The following CSMD3 variants were observed in gnomAD, a reference collection of about 807,000 sequenced individuals.
CSMD3 encodes the protein CUB and sushi domain-containing protein 3.
In CSMD3, 177 loss-of-function variants were observed where a neutral mutation model predicts 435.2. The observed-to-expected ratio is 0.41, with a 90% CI of 0.36 to 0.46. The LOEUF is 0.46. Among genes scored for constraint, CSMD3 ranks in the 20% least tolerant of loss-of-function variants. CSMD3 has a pLI of 0.34. For synonymous variants in CSMD3, 1,656 were observed against 1,520.5 expected (o/e 1.09, Z -2.07); for missense variants, 4,265 against 4,504.6 (o/e 0.95, Z 1.52).
At chr8:112,376,884 T>C (rs571093887) in intron 38 of CSMD3, among the ~76,000 whole-genome samples, 17 of 152,292 alleles carry the variant, frequency 1.1e-4, no homozygotes, top group Admixed American at 2.6e-4. Flanking sequence ...TGAAAGATTT[T>C]TGTCTTCTGG....
chr8:112,395,671 T>C (rs993255474), intron 35 of CSMD3, among the ~76,000 whole-genome samples: 1 of 152,098 alleles, frequency 6.6e-6, no homozygotes, highest in East Asian at 1.9e-4. Context: ...GACCTCCCAC[T>C]AACAGAAGTA....
chr8:112,957,322 T>C (rs1016170793), intron 7 of CSMD3, among the ~76,000 whole-genome samples: 1 of 152,228 alleles, frequency 6.6e-6, no homozygotes, highest in Non-Finnish European at 1.5e-5. Flanking sequence ...GTAGAGTTAA[T>C]GTTAAAATAA....
intron 4 of CSMD3, among the ~76,000 whole-genome samples, chr8:113,127,048 A>G (rs1421832354): frequency 6.6e-6 from 1 of 152,000 alleles, no homozygotes; most frequent in Non-Finnish European, 1.5e-5. Context: ...AGGTGTTTAC[A>G]TAGCACCACA....
chr8:112,817,789 C>A (rs964549471), intron 12 of CSMD3, among the ~76,000 whole-genome samples: 1 of 151,906 alleles, frequency 6.6e-6, no homozygotes, highest in Non-Finnish European at 1.5e-5. Flanking sequence ...AAATTTTCAT[C>A]ATTTTAGAAA....
chr8:113,366,533 A>C (rs530657016), intron 1 of CSMD3, among the ~76,000 whole-genome samples: 3 of 152,216 alleles, frequency 2.0e-5, no homozygotes, highest in East Asian at 3.9e-4. Context: ...ATGGCCCTCC[A>C]TCTTCCAACA....
chr8:113,203,698 G>C (rs2092738678), intron 3 of CSMD3, among the ~76,000 whole-genome samples: 1 of 152,100 alleles, frequency 6.6e-6, no homozygotes, highest in Middle Eastern at 3.4e-3. Context: ...GCTCCATCAA[G>C]ACAAAATCTT....
intron 6 of CSMD3, among the ~76,000 whole-genome samples, chr8:112,998,844 C>T (rs1396353900): frequency 2.6e-5 from 4 of 151,826 alleles, no homozygotes; most frequent in Admixed American, 1.3e-4. Flanking sequence ...ATAGCACCTC[C>T]CCACTCTCTT....
At chr8:113,213,521 T>A (rs867260061) in intron 3 of CSMD3, among the ~76,000 whole-genome samples, 8 of 151,988 alleles carry the variant, frequency 5.3e-5, no homozygotes, top group African/African-American at 1.7e-4. Context: ...GTTTTTTTTT[T>A]AGTCCAAATT....
At chr8:113,226,951 TTCTGCCTAATATTA>T (rs1346050852) in intron 3 of CSMD3, among the ~76,000 whole-genome samples, 2 of 151,634 alleles carry the variant, frequency 1.3e-5, no homozygotes, top group Non-Finnish European at 3.0e-5. Context: ...CTGGGATTGC[TTCTGCCTAATATTA>T]TCTACATTTA....
At chr8:112,346,739 C>T (rs1219539856) in intron 40 of CSMD3, among the ~76,000 whole-genome samples, 2 of 126,406 alleles carry the variant, frequency 1.6e-5, no homozygotes, top group South Asian at 2.5e-4. Flanking sequence ...AGTGCAGTGG[C>T]GCAATCTCGG....
At chr8:113,231,815 T>C (rs1024161264) in intron 3 of CSMD3, among the ~76,000 whole-genome samples, 4 of 151,492 alleles carry the variant, frequency 2.6e-5, no homozygotes, top group Non-Finnish European at 5.9e-5. Flanking sequence ...TTAGAACAAC[T>C]GGTATAACAT....
At chr8:112,423,709 T>C (rs1322416886) in intron 32 of CSMD3, among the ~76,000 whole-genome samples, 2 of 152,150 alleles carry the variant, frequency 1.3e-5, no homozygotes, top group East Asian at 1.9e-4. Flanking sequence ...AAGAAAATCA[T>C]TTAGGTATAC....
intron 1 of CSMD3, among the ~76,000 whole-genome samples, chr8:113,433,798 T>C (rs1467258875): frequency 6.6e-6 from 1 of 152,130 alleles, no homozygotes; most frequent in African/African-American, 2.4e-5. Context: ...ATTCACAGTT[T>C]CTATCTGGGT....
At chr8:113,400,475 T>C (rs1404667588) in intron 1 of CSMD3, among the ~76,000 whole-genome samples, 1 of 152,022 alleles carries the variant, frequency 6.6e-6, no homozygotes, top group Non-Finnish European at 1.5e-5. Context: ...ATTTAAAAAC[T>C]GCTATGATAC....
At chr8:112,237,407 TTAAA>T (rs533657950) in intron 66 of CSMD3, 59 bp from the exon 67 acceptor site, 105 of 1,200,698 alleles carry the variant, frequency 8.7e-5, no homozygotes, top group East Asian at 3.1e-4. Context: ...AATATAAGCA[TTAAA>T]TAGAGTATTA....
chr8:113,218,113 T>TATAG (rs1563560696), intron 3 of CSMD3, among the ~76,000 whole-genome samples: 1 of 149,654 alleles, frequency 6.7e-6, no homozygotes, highest in Non-Finnish European at 1.5e-5. Flanking sequence ...CATATATATA[T>TATAG]ATATATTTTA....
intron 22 of CSMD3, among the ~76,000 whole-genome samples, chr8:112,611,590 A>G (rs1172463854): frequency 6.6e-6 from 1 of 152,180 alleles, no homozygotes; most frequent in Non-Finnish European, 1.5e-5. Context: ...GCTTTGCTCT[A>G]AAACATGCTC....
intron 41 of CSMD3, among the ~76,000 whole-genome samples, chr8:112,342,987 T>TTATATATATATATATATTTA (rs1169036495): frequency 2.1e-5 from 1 of 47,286 alleles, no homozygotes; most frequent in African/African-American, 6.1e-5. Context: ...ATATATATAT[T>TTATATATATATATATATTTA]TATATATATA....
chr8:112,441,364 C>T lies in CSMD3; in HGVS notation c.5395+31227G>A, dbSNP rs538782221. 1.2e-4 allele frequency among the ~76,000 whole-genome samples: 18 copies of T among 152,236 alleles called. No homozygotes were observed. The South Asian group carries it at 2.3e-3, about 19-fold the overall frequency. On this transcript the variant is annotated intron_variant, in intron 32 of 70. Coordinates refer to ENST00000297405, the MANE Select transcript of CSMD3 (RefSeq NM_198123.2). ...AGTCTCTAAGAAGTTCCATACTTTC[C>T]CACATCTTTCTGTATTCTGAGCCTT...
Sources: allele counts gnomAD v4.1 joint callset (sites outside exome capture counted in the v4.1 genomes callset), GRCh38; gene constraint gnomAD v4.1.1; transcripts MANE v1.5; gene names NCBI Gene and HGNC (gene_info 2026-07-23, HGNC 2026-07-21).